The following USH2A variants were observed in gnomAD, a reference collection of about 807,000 sequenced individuals.
The protein encoded by USH2A is usherin.
In USH2A, 443 loss-of-function variants were observed where a neutral mutation model predicts 538.9. The ratio of observed to expected loss-of-function variants is 0.82; its 90% confidence interval spans 0.76 to 0.89. The LOEUF (loss-of-function observed/expected upper bound fraction) is 0.89. USH2A is among the 40% of genes least tolerant of loss of function. USH2A has a pLI of 0.00. For synonymous variants in USH2A, 2,413 were observed against 2,273.5 expected (o/e 1.06, Z -1.75); for missense variants, 6,633 against 6,324.8 (o/e 1.05, Z -1.65).
chr1:215,983,025 ACTGGAACCTCCGCCTCCCAGG>A (rs1349348154), intron 35 of USH2A, among the ~76,000 whole-genome samples: 1 of 152,150 alleles, frequency 6.6e-6, no homozygotes, highest in Non-Finnish European at 1.5e-5. Flanking sequence ...CTCTCGGCTC[ACTGGAACCTCCGCCTCCCAGG>A]TTCAAGTGAT....
intron 4 of USH2A, among the ~76,000 whole-genome samples, chr1:216,358,487 G>A (rs752125384): frequency 1.3e-5 from 2 of 152,090 alleles, no homozygotes; most frequent in African/African-American, 2.4e-5. Context: ...TTAAAAAAAG[G>A]AGCAAGTAAG....
intron 40 of USH2A, among the ~76,000 whole-genome samples, chr1:215,899,635 T>TAGA (rs1285810865): frequency 6.6e-6 from 1 of 152,120 alleles, no homozygotes; most frequent in Non-Finnish European, 1.5e-5. Context: ...GGGGTATGAG[T>TAGA]AGAAGCAGGA....
At position 215,798,979 on chromosome 1, in the gene USH2A, C is replaced by T. The variant is rs371149685; in HGVS notation, c.9886G>A (p.Gly3296Ser). 6.2e-6 allele frequency: 10 copies of T among 1,614,006 alleles called. No homozygotes were observed. The highest frequency in any genetic ancestry group is 1.3e-5 in the African/African-American group (1 of 74,940). The part of the protein sequence containing the change: ...LHDGHGQKCC[G>S]RQIVSNDLEC... ...AAATCGTTGCTCACAATCTGTCTGC[C>T]ACAGCACTTCTGGCCATGGCCATCA... Residue 3296 changes from glycine (G) to serine (S), a missense_variant, in exon 50 of 72, where the codon GGC (glycine) becomes AGC (serine). Transcript: ENST00000307340.
intron 21 of USH2A, among the ~76,000 whole-genome samples, chr1:216,145,762 C>A (rs2033685399): frequency 6.6e-6 from 1 of 152,174 alleles, no homozygotes; most frequent in African/African-American, 2.4e-5. Flanking sequence ...AATGGCCAGT[C>A]CTTGCCTTAA....
chr1:216,384,506 G>A (rs936597226), intron 3 of USH2A, among the ~76,000 whole-genome samples: 19 of 151,966 alleles, frequency 1.3e-4, no homozygotes, highest in Middle Eastern at 3.2e-3. Context: ...ATTCTCTTTC[G>A]GTAGGAGTCT....
intron 41 of USH2A, among the ~76,000 whole-genome samples, chr1:215,885,434 T>C (rs565676455): frequency 6.6e-6 from 1 of 152,328 alleles, no homozygotes; most frequent in East Asian, 1.9e-4. Flanking sequence ...TAGTCTATAG[T>C]TTCATTGAAC....
intron 32 of USH2A, among the ~76,000 whole-genome samples, chr1:216,006,139 T>C (rs77583551): frequency 0.029 from 4,405 of 152,220 alleles, 208 homozygotes; most frequent in African/African-American, 0.1. Flanking sequence ...TTTAACTTCC[T>C]CAAATGCAAT....
intron 43 of USH2A, 86 bp downstream of exon 43, chr1:215,877,672 C>A (rs1409972287): frequency 6.3e-7 from 1 of 1,588,664 alleles, no homozygotes; most frequent in African/African-American, 1.3e-5. Context: ...CACGCTCACA[C>A]AATGAAGACA....
chr1:215,835,090 G>A (rs1303804728), intron 47 of USH2A, among the ~76,000 whole-genome samples: 2 of 137,088 alleles, frequency 1.5e-5, no homozygotes, highest in Non-Finnish European at 3.0e-5. Context: ...TTCCTCACCT[G>A]CATTATCTCT....
intron 61 of USH2A, 138 bp from the exon 62 acceptor site, chr1:215,680,514 A>G: frequency 1.3e-6 from 1 of 784,372 alleles, no homozygotes; most frequent in Non-Finnish European, 2.1e-6. Context: ...GTTTTGAATT[A>G]TCATTAAGAA....
intron 37 of USH2A, among the ~76,000 whole-genome samples, chr1:215,941,377 A>G (rs891017707): frequency 3.9e-5 from 6 of 152,134 alleles, no homozygotes; most frequent in African/African-American, 2.4e-5. Context: ...GACTATTGTA[A>G]ATTGTAGAAG....
chr1:215,969,247 ACT>A (rs1301800686), intron 36 of USH2A, among the ~76,000 whole-genome samples: 6 of 152,132 alleles, frequency 3.9e-5, no homozygotes, highest in African/African-American at 1.4e-4. Flanking sequence ...GGAGAAAATA[ACT>A]CTGTGCTGTA....
At position 215,781,919 on chromosome 1, in the gene USH2A, T is replaced by C. The variant is rs542769260; in HGVS notation, c.10740+123A>G. 2.0e-4 allele frequency: 265 copies of C among 1,327,182 alleles called. 1 individual carries two copies. The Admixed American group carries it at 4.4e-3, about 22-fold the overall frequency. 82.2% of individuals were successfully genotyped at this position (1,327,182 alleles called of 1,614,324 possible). A position where few individuals can be genotyped will look rare whatever the true frequency, so the allele number is the denominator to read the frequency against. On this transcript the variant is annotated intron_variant, in intron 54 of 71. Transcript: ENST00000307340. ...CAGTTAACGTGACACATGAACACGC[T>C]ACTTAACACCACTTTGAGGAGGGAC...
At chr1:215,773,530 CTCTG>C (rs879672103) in intron 55 of USH2A, among the ~76,000 whole-genome samples, 22 of 151,386 alleles carry the variant, frequency 1.5e-4, no homozygotes, top group East Asian at 3.9e-4. Context: ...CTCTCTCTCT[CTCTG>C]TCTTTCTCTC....
intron 47 of USH2A, among the ~76,000 whole-genome samples, chr1:215,836,978 T>A (rs1227870236): frequency 6.6e-6 from 1 of 151,856 alleles, no homozygotes; most frequent in South Asian, 2.1e-4. Flanking sequence ...TTGGGGGATA[T>A]CTGCTGGGGG....
chr1:215,850,630 G>C (rs897776176), intron 44 of USH2A, among the ~76,000 whole-genome samples: 2 of 152,134 alleles, frequency 1.3e-5, no homozygotes, highest in Admixed American at 1.3e-4. Flanking sequence ...GTACTAGACA[G>C]GTCATCAAGA....
intron 15 of USH2A, among the ~76,000 whole-genome samples, chr1:216,210,630 G>C (rs910860570): frequency 2.6e-5 from 4 of 152,082 alleles, no homozygotes. Context: ...GTCTTGTAAT[G>C]ACAGTCTCAA....
chr1:216,360,269 T>C lies in USH2A; in HGVS notation c.784+4684A>G, dbSNP rs534228502. Among the ~76,000 whole-genome samples the C allele has an allele frequency of 4.6e-5, 7 of 152,178 alleles. No individual in the cohort carries two copies. In the South Asian group the frequency reaches 8.3e-4, roughly 18 times the overall value. ...CCAAGCCATGAAAGACATGGAGAAA[T>C]CTTACATGCATATTACTCAGTGAAA... On this transcript the variant is annotated intron_variant, in intron 4 of 71. Coordinates refer to ENST00000307340, the MANE Select transcript of USH2A (RefSeq NM_206933.4).
At chr1:215,943,236 A>T (rs1285377339) in intron 37 of USH2A, among the ~76,000 whole-genome samples, 1 of 152,162 alleles carries the variant, frequency 6.6e-6, no homozygotes, top group African/African-American at 2.4e-5. Context: ...AGACAAAATA[A>T]CCATGTAGTT....
Sources: allele counts gnomAD v4.1 joint callset (sites outside exome capture counted in the v4.1 genomes callset), GRCh38; gene constraint gnomAD v4.1.1; transcripts MANE v1.5; gene names NCBI Gene and HGNC (gene_info 2026-07-23, HGNC 2026-07-21).